PMS1: variants seen among roughly 807,000 people sequenced by gnomAD.
The protein encoded by PMS1 is PMS1 protein homolog 1.
Under a neutral mutation model 93.1 loss-of-function variants are expected in PMS1, and 79 were observed. That is an observed-to-expected ratio of 0.85 (90% CI 0.71 to 1.02). The LOEUF is 1.02. Ranked by LOEUF, PMS1 falls within the 50% of genes least tolerant of loss-of-function variation. The probability of loss-of-function intolerance (pLI) is 0.00; values close to 1 mark genes in which losing one functional copy is unlikely to be tolerated. For synonymous variants in PMS1, 335 were observed against 363.4 expected, an observed-to-expected ratio of 0.92 and a Z score of 0.89; for missense variants, 1,064 against 1,085.3, an observed-to-expected ratio of 0.98 and a Z score of 0.28.
At chr2:189,841,763 A>T (rs866078166) in intron 5 of PMS1, among the ~76,000 whole-genome samples, 3 of 4,180 alleles carry the variant, frequency 7.2e-4, no homozygotes, top group South Asian at 0.014. Flanking sequence ...AGTGTGCTGG[A>T]CATCATTGGT....
In PMS1 at chr2:189,791,882, G is replaced by A. The variant is rs1224767088; in HGVS notation, c.73G>A (p.Val25Ile). The A allele has an allele frequency of 1.9e-6, 3 of 1,613,890 alleles. No homozygotes were observed. Among genetic ancestry groups the A allele is most frequent in the Non-Finnish European group, 2.5e-6 (3 of 1,179,790 alleles). ...GATCATCACTTCGGTGGTCAGTGTT[G>A]TAAAAGAGCTTATTGAAAACTCCTT... The part of the protein sequence containing the change: ...SQIITSVVSV[V>I]KELIENSLDA... Residue 25 changes from valine to isoleucine, a missense_variant, in exon 2 of 13, where the codon GTA becomes ATA. Val to Ile is a conservative substitution (Grantham distance 29). Coordinates refer to ENST00000441310, the MANE Select transcript of PMS1 (RefSeq NM_000534.5).
intron 3 of PMS1, among the ~76,000 whole-genome samples, chr2:189,798,757 A>ATTTTTTTTTTT (rs757864750): frequency 3.5e-4 from 28 of 79,852 alleles, no homozygotes; most frequent in East Asian, 3.9e-4. Flanking sequence ...TAAGTATTTG[A>ATTTTTTTTTTT]TTTTTTTTTT....
In PMS1 at chr2:189,793,522, TAG is replaced by T. The variant is rs574676477; in HGVS notation, c.132+1582_132+1583del. The stretch of plus-strand genomic sequence containing the variant: ...CCAAAGAAAGACAATTTGTTTTTCT[TAG>T]GCATTTCATATAGTCAGTTCAGTCT... On this transcript the variant is annotated intron_variant, in intron 2 of 12. Coordinates refer to ENST00000441310, the MANE Select transcript of PMS1 (RefSeq NM_000534.5). 9.9e-5 allele frequency among the ~76,000 whole-genome samples: 15 copies of T among 152,250 alleles called. No individual in the cohort carries two copies. In the South Asian group the frequency reaches 3.1e-3, roughly 32 times the overall value.
intron 10 of PMS1, among the ~76,000 whole-genome samples, chr2:189,865,190 A>C (rs1331426423): frequency 6.6e-6 from 1 of 151,852 alleles, no homozygotes; most frequent in African/African-American, 2.4e-5. Flanking sequence ...CTTTTTTTCC[A>C]GTTTTTTAAA....
chr2:189,790,629 A>T (rs2048775308), intron 1 of PMS1, among the ~76,000 whole-genome samples: 1 of 152,190 alleles, frequency 6.6e-6, no homozygotes, highest in South Asian at 2.1e-4. Flanking sequence ...CATAGTACCT[A>T]CTTTCTATGG....
chr2:189,792,069 C>A, intron 2 of PMS1, 128 bp downstream of exon 2: 2 of 780,528 alleles, frequency 2.6e-6, no homozygotes, highest in South Asian at 1.6e-5. Context: ...ACATTGGACC[C>A]TTTGTCTTAA....
chr2:189,818,602 G>A (rs2051531570), intron 5 of PMS1, among the ~76,000 whole-genome samples: 1 of 152,208 alleles, frequency 6.6e-6, no homozygotes, highest in South Asian at 2.1e-4. Context: ...AAGACAACAT[G>A]TAAAGAGTCT....
chr2:189,787,318 C>T (rs1384107726), intron 1 of PMS1, among the ~76,000 whole-genome samples: 1 of 152,068 alleles, frequency 6.6e-6, no homozygotes, highest in African/African-American at 2.4e-5. Context: ...TTTAGTGGTC[C>T]TTCATTAATA....
At chr2:189,826,210 G>A (rs2052412568) in intron 5 of PMS1, among the ~76,000 whole-genome samples, 1 of 152,110 alleles carries the variant, frequency 6.6e-6, no homozygotes. Flanking sequence ...AATGTTAAGG[G>A]TCAGTTCCCC....
At position 189,854,705 on chromosome 2, in the gene PMS1, G is replaced by A. The variant is rs2106462652; in HGVS notation, c.1433G>A (p.Ser478Asn). 6.2e-7 allele frequency: 1 copy of A among 1,613,922 alleles called. No individual in the cohort carries two copies. The highest frequency in any genetic ancestry group is 1.1e-5 in the South Asian group (1 of 91,082). The change falls in exon 9 of 13, where the codon AGT becomes AAT. Residue 478 changes from serine to asparagine, a missense_variant. Ser to Asn is a conservative substitution (Grantham distance 46). Coordinates refer to ENST00000441310, the MANE Select transcript of PMS1 (RefSeq NM_000534.5). Reference protein sequence around the residue: ...ENGNKDHIDESGENEEEAGLE... With the variant: ...ENGNKDHIDENGENEEEAGLE... ...GGCAATAAAGACCATATAGATGAGA[G>A]TGGGGAAAATGAGGAAGAAGCAGGT...
intron 2 of PMS1, among the ~76,000 whole-genome samples, chr2:189,792,875 G>C (rs974174692): frequency 6.6e-6 from 1 of 151,450 alleles, no homozygotes; most frequent in Non-Finnish European, 1.5e-5. Context: ...GCAATGGCGC[G>C]ATCTCAGCTT....
At chr2:189,847,777 T>C (rs1043045704) in intron 6 of PMS1, among the ~76,000 whole-genome samples, 1 of 152,198 alleles carries the variant, frequency 6.6e-6, no homozygotes, top group African/African-American at 2.4e-5. Context: ...CTAATTCTGT[T>C]CCTGGAGTTG....
intron 5 of PMS1, among the ~76,000 whole-genome samples, chr2:189,819,091 A>C (rs796373850): frequency 4.6e-5 from 7 of 152,172 alleles, no homozygotes; most frequent in African/African-American, 1.4e-4. Context: ...ATCATTCCAC[A>C]CTCTATGTCC....
intron 6 of PMS1, among the ~76,000 whole-genome samples, chr2:189,845,190 T>G (rs1365027963): frequency 6.6e-6 from 1 of 152,192 alleles, no homozygotes; most frequent in Non-Finnish European, 1.5e-5. Flanking sequence ...TTTTTAAGTC[T>G]TCTATCTTTT....
At chr2:189,848,172 T>C (rs571651390) in intron 6 of PMS1, among the ~76,000 whole-genome samples, 1 of 152,338 alleles carries the variant, frequency 6.6e-6, no homozygotes, top group African/African-American at 2.4e-5. Flanking sequence ...CGTGGTACTT[T>C]GTTGCCTACA....
intron 12 of PMS1, among the ~76,000 whole-genome samples, chr2:189,875,285 A>G (rs1480691678): frequency 6.6e-6 from 1 of 151,272 alleles, no homozygotes; most frequent in Non-Finnish European, 1.5e-5. Flanking sequence ...TTGTCCTTGT[A>G]TATACTCAGT....
At chr2:189,810,557 T>A (rs898384561) in intron 4 of PMS1, among the ~76,000 whole-genome samples, 3 of 152,164 alleles carry the variant, frequency 2.0e-5, no homozygotes, top group Admixed American at 2.0e-4. Context: ...GAATATGGGA[T>A]CCTCAAACAG....
chr2:189,795,819 C>G lies in PMS1; in HGVS notation c.183C>G (p.Ile61Met). 1 of 1,613,522 alleles carries G rather than the reference C, an allele frequency of 6.2e-7. No individual in the cohort carries two copies. Among genetic ancestry groups the G allele is most frequent in the South Asian group, 1.1e-5 (1 of 91,064 alleles). The change falls in exon 3 of 13, where the codon ATC (isoleucine) becomes ATG (methionine). Residue 61 changes from isoleucine to methionine, a missense_variant. Ile to Met is a conservative substitution (Grantham distance 10). Transcript: ENST00000441310. ...KIEVRDNGEG[I>M]KAVDAPVMAM... ...AGGTGCGAGATAACGGGGAGGGTAT[C>G]AAGGCTGTTGATGCACCTGTAATGG...
In PMS1 at chr2:189,855,105, A is replaced by G. The variant is rs550510753; in HGVS notation, c.1833A>G (p.Thr611=). The part of the protein sequence containing the change: ...ATLQIEELWK[T]LSEEEKLKYE... ...TACAAATTGAAGAACTGTGGAAGAC[A>G]TTGAGTGAAGAGGAAAAACTGAAGT... The change falls in exon 9 of 13, where the codon ACA becomes ACG. Residue 611 remains threonine (T), a synonymous_variant. Coordinates refer to ENST00000441310, the MANE Select transcript of PMS1 (RefSeq NM_000534.5). 2 of 1,613,404 alleles carry G rather than the reference A, an allele frequency of 1.2e-6. No individual in the cohort carries two copies. The highest frequency in any genetic ancestry group is 1.7e-6 in the Non-Finnish European group (2 of 1,179,528).
Sources: gnomAD v4.1 joint callset for allele counts (sites outside exome capture counted in the v4.1 genomes callset) on GRCh38, gnomAD v4.1.1 for gene constraint, MANE v1.5 for transcripts, NCBI Gene and HGNC (gene_info 2026-07-23, HGNC 2026-07-21) for gene names.